ERMN: variants seen among roughly 807,000 people sequenced by gnomAD.
ERMN encodes ermin.
A neutral mutation model predicts 21.4 loss-of-function variants in ERMN; 17 were observed. The ratio of observed to expected loss-of-function variants is 0.80; its 90% CI spans 0.54 to 1.19. The LOEUF is 1.19. Ranked by LOEUF, ERMN falls within the 50% of genes most tolerant of loss-of-function variation. The pLI is 0.00. For synonymous variants in ERMN, 115 were observed against 111.9 expected (o/e 1.03, Z -0.17); for missense variants, 348 against 331.6 (o/e 1.05, Z -0.38).
chr2:157,321,898 A>T, intron 2 of ERMN, 107 bp from the exon 3 acceptor site: 1 of 944,756 alleles, frequency 1.1e-6, no homozygotes, highest in Non-Finnish European at 1.5e-6. Context: ...TTCCCAACAC[A>T]TGTTTTATGG....
At position 157,321,380 on chromosome 2, in the gene ERMN, T is replaced by C. The variant is rs1487083133; in HGVS notation, c.746A>G (p.Asp249Gly). ...DEQPTLGKKS[D>G]ISRNAYSRYN... ...TCTGGAATAAGCATTTCTGGAGATA[T>C]CACTCTTCTTCCCTAAGGTTGGCTG... The change falls in exon 3 of 3, where the codon GAT becomes GGT. Residue 249 changes from aspartate to glycine, a missense_variant. Coordinates refer to ENST00000410096, the MANE Select transcript of ERMN (RefSeq NM_020711.3). 2.5e-6 allele frequency: 4 copies of C among 1,614,128 alleles called. No individual in the cohort carries two copies. The highest frequency in any genetic ancestry group is 2.2e-5 in the South Asian group (2 of 91,078).
chr2:157,324,633 A>G, intron 2 of ERMN, 37 bp downstream of exon 2: 1 of 1,509,462 alleles, frequency 6.6e-7, no homozygotes, highest in Non-Finnish European at 9.2e-7. Flanking sequence ...ATACTCAGTC[A>G]AACAATTTCT....
upstream of ERMN, chr2:157,325,997 G>C (rs1215156149): frequency 1.3e-5 from 14 of 1,063,808 alleles, no homozygotes; most frequent in Non-Finnish European, 1.6e-5. Flanking sequence ...ATGTAGAGAG[G>C]GACTTTCAGC....
chr2:157,324,775 T>C lies in ERMN; in HGVS notation c.242-13A>G. On this transcript the variant is annotated splice_polypyrimidine_tract_variant and intron_variant, in intron 1 of 2. Coordinates refer to ENST00000410096, the MANE Select transcript of ERMN (RefSeq NM_020711.3). ...TCTTCTGGGTTTTCTAGGAAAAAAATATAAAATCAGTATTTTAACATTTAA... is the reference window on the plus strand; with the variant it reads ...TCTTCTGGGTTTTCTAGGAAAAAAACATAAAATCAGTATTTTAACATTTAA... The C allele has an allele frequency of 6.4e-7, 1 of 1,558,400 alleles. No homozygotes were observed. The highest frequency in any genetic ancestry group is 2.3e-5 in the East Asian group (1 of 44,220).
In ERMN at chr2:157,319,447, T is replaced by C. The variant is rs1212537749; in HGVS notation, c.*1824A>G. The C allele has an allele frequency of 6.6e-6, 1 of 152,138 alleles. No homozygotes were observed. Among genetic ancestry groups the C allele is most frequent in the East Asian group, 1.9e-4 (1 of 5,196 alleles). 9.4% of individuals were successfully genotyped at this position (152,138 alleles called of 1,614,324 possible). ...AATAACTCAAAATACAGGCTCTTGA[T>C]GGTAGGTTAAAAACATGGTCCTGTT... On this transcript the variant is annotated 3_prime_UTR_variant, in exon 3 of 3. Transcript: ENST00000410096.
At position 157,321,536 on chromosome 2, in the gene ERMN, T is replaced by C. The variant is rs1236922400; in HGVS notation, c.590A>G (p.Asp197Gly). 1.9e-6 allele frequency: 3 copies of C among 1,614,112 alleles called. No homozygotes were observed. Among genetic ancestry groups the C allele is most frequent in the South Asian group, 2.2e-5 (2 of 91,078 alleles). Residue 197 changes from aspartate (D) to glycine (G), a missense_variant, in exon 3 of 3, where the codon GAT becomes GGT. Asp to Gly is a moderately conservative substitution (Grantham distance 94). Coordinates refer to ENST00000410096, the MANE Select transcript of ERMN (RefSeq NM_020711.3). ...TTCTATCACTCGAACTTCATCTTCA[T>C]CATTATTGCAATTATCATCATCATC... Reference protein sequence around the residue: ...DDDDDDNCNNDEDEVRVIEFK... With the variant: ...DDDDDDNCNNGEDEVRVIEFK...
At position 157,320,342 on chromosome 2, in the gene ERMN, T is replaced by A. The variant is rs1258393745; in HGVS notation, c.*929A>T. ...CCATTTTCATAGTAACTAGTACAGTTATGACTAGCATTCTCTCAGGTTTCT... is the reference window on the plus strand; with the variant it reads ...CCATTTTCATAGTAACTAGTACAGTAATGACTAGCATTCTCTCAGGTTTCT... On this transcript the variant is annotated 3_prime_UTR_variant, in exon 3 of 3. Coordinates refer to ENST00000410096, the MANE Select transcript of ERMN (RefSeq NM_020711.3). 2.0e-5 allele frequency: 3 copies of A among 152,626 alleles called. No homozygotes were observed. Among genetic ancestry groups the A allele is most frequent in the Non-Finnish European group, 4.4e-5 (3 of 68,024 alleles). 9.5% of individuals were successfully genotyped at this position (152,626 alleles called of 1,614,324 possible). A position where few individuals can be genotyped will look rare whatever the true frequency, so the allele number is the denominator to read the frequency against.
At position 157,321,554 on chromosome 2, in the gene ERMN, T is replaced by C. The variant is rs780580704; in HGVS notation, c.572A>G (p.Asp191Gly). ...VWDEEIDDDD[D>G]DNCNNDEDEV... ...ATCTTCATCATTATTGCAATTATCA[T>C]CATCATCATCATCAATTTCTTCATC... is the stretch of plus-strand genomic sequence containing the variant. Residue 191 changes from aspartate (D) to glycine (G), a missense_variant, in exon 3 of 3, where the codon GAT (aspartate) becomes GGT (glycine). By Grantham distance (94) the Asp-to-Gly change is moderately conservative. Coordinates refer to ENST00000410096, the MANE Select transcript of ERMN (RefSeq NM_020711.3). The C allele has an allele frequency of 9.9e-6, 16 of 1,613,894 alleles. No individual in the cohort carries two copies. The highest frequency in any genetic ancestry group is 1.7e-5 in the Admixed American group (1 of 59,984).
At chr2:157,327,399 T>C (rs1684092874), upstream of ERMN, 2 of 767,718 alleles carry the variant, frequency 2.6e-6, no homozygotes, top group Admixed American at 3.5e-5. Flanking sequence ...TTAACTGTTT[T>C]AACAAACGCT....
intron 2 of ERMN, chr2:157,324,330 G>T: frequency 1.3e-5 from 3 of 227,256 alleles, no homozygotes; most frequent in East Asian, 1.5e-4. Context: ...ACCCGTTTTT[G>T]AAACATTTAC....
At chr2:157,322,937 T>C (rs1054311077) in intron 2 of ERMN, among the ~76,000 whole-genome samples, 3 of 152,224 alleles carry the variant, frequency 2.0e-5, no homozygotes, top group African/African-American at 7.2e-5. Flanking sequence ...AGCCATGAGA[T>C]TGTCACATAT....
At chr2:157,323,905 T>C (rs989890215) in intron 2 of ERMN, among the ~76,000 whole-genome samples, 2 of 152,220 alleles carry the variant, frequency 1.3e-5, no homozygotes, top group Non-Finnish European at 1.5e-5. Flanking sequence ...GTTAACAATT[T>C]TGTATTTACA....
chr2:157,324,237 A>C (rs1275834631), intron 2 of ERMN: 8 of 240,238 alleles, frequency 3.3e-5, no homozygotes, highest in Non-Finnish European at 6.7e-5. Flanking sequence ...GCACCATTGC[A>C]CTCCAGCCTG....
chr2:157,322,859 T>C (rs1683948161), intron 2 of ERMN, among the ~76,000 whole-genome samples: 1 of 152,208 alleles, frequency 6.6e-6, no homozygotes, highest in Non-Finnish European at 1.5e-5. Context: ...GCCATAATCT[T>C]ATGCTTTGTT....
intron 2 of ERMN, among the ~76,000 whole-genome samples, chr2:157,323,239 A>C (rs1278667053): frequency 1.3e-5 from 2 of 152,084 alleles, no homozygotes; most frequent in Non-Finnish European, 2.9e-5. Flanking sequence ...CCTGCAATGG[A>C]CTCCTGATCA....
In ERMN at chr2:157,322,274, C is replaced by A. The variant is rs2105186883; in HGVS notation, c.335-483G>T. 2.0e-5 allele frequency among the ~76,000 whole-genome samples: 3 copies of A among 150,512 alleles called. No individual in the cohort carries two copies. The South Asian group carries it at 6.3e-4, about 32-fold the overall frequency. Reference sequence around the variant, plus strand: ...CACACACACACACACACACACACACCTCAAGGAAAATTAGAAAAATACTTC... The same window carrying A: ...CACACACACACACACACACACACACATCAAGGAAAATTAGAAAAATACTTC... On this transcript the variant is annotated intron_variant, in intron 2 of 2. Coordinates refer to ENST00000410096, the MANE Select transcript of ERMN (RefSeq NM_020711.3).
rs542847870 is a variant in ERMN, at chr2:157,321,392, C to T, written c.734G>A (p.Gly245Glu). ...ATTTCTGGAGATATCACTCTTCTTCCCTAAGGTTGGCTGCTCATCAGGTGT... is the reference window on the plus strand; with the variant it reads ...ATTTCTGGAGATATCACTCTTCTTCTCTAAGGTTGGCTGCTCATCAGGTGT... ...AVTPDEQPTL[G>E]KKSDISRNAY... The change falls in exon 3 of 3, where the codon GGG becomes GAG. Residue 245 changes from glycine (G) to glutamate (E), a missense_variant. Gly to Glu is a moderately conservative substitution (Grantham distance 98). Transcript: ENST00000410096. The T allele has an allele frequency of 9.5e-5, 153 of 1,613,968 alleles. No homozygotes were observed. Among genetic ancestry groups the T allele is most frequent in the Non-Finnish European group, 1.3e-4 (150 of 1,180,010 alleles).
chr2:157,323,381 A>T (rs1683966482), intron 2 of ERMN, among the ~76,000 whole-genome samples: 1 of 152,242 alleles, frequency 6.6e-6, no homozygotes, highest in South Asian at 2.1e-4. Context: ...CTTAAAAATT[A>T]TCTCTGGTAA....
intron 2 of ERMN, among the ~76,000 whole-genome samples, chr2:157,322,272 A>C (rs915992692): frequency 2.7e-5 from 4 of 149,930 alleles, no homozygotes; most frequent in Non-Finnish European, 3.0e-5. Flanking sequence ...ACACACACAC[A>C]CCTCAAGGAA....
Sources: gnomAD v4.1 joint callset for allele counts (sites outside exome capture counted in the v4.1 genomes callset) on GRCh38, gnomAD v4.1.1 for gene constraint, MANE v1.5 for transcripts, NCBI Gene and HGNC (gene_info 2026-07-23, HGNC 2026-07-21) for gene names.